CACNA2D3: variants seen among roughly 807,000 people sequenced by gnomAD.
CACNA2D3 encodes calcium voltage-gated channel auxiliary subunit alpha2delta 3, also known as voltage-dependent calcium channel subunit alpha-2/delta-3.
In CACNA2D3, 60 loss-of-function variants were observed where a neutral mutation model predicts 160.6. The ratio of observed to expected loss-of-function variants is 0.37; its 90% CI spans 0.30 to 0.46. The LOEUF is 0.46. Ranked by LOEUF, CACNA2D3 falls within the 20% of genes least tolerant of loss-of-function variation. The pLI, the probability that CACNA2D3 is intolerant of heterozygous loss-of-function variation, is 1.00. For synonymous variants in CACNA2D3, 558 were observed against 492.9 expected (o/e 1.13, Z -1.75); for missense variants, 1,205 against 1,365.0 (o/e 0.88, Z 1.85).
chr3:54,857,711 C>T (rs1699203128), intron 17 of CACNA2D3, among the ~76,000 whole-genome samples: 1 of 152,190 alleles, frequency 6.6e-6, no homozygotes, highest in Non-Finnish European at 1.5e-5. Context: ...GCCAAGACAC[C>T]AGCAGGCTGA....
chr3:54,583,711 A>G (rs1702715536), intron 9 of CACNA2D3, among the ~76,000 whole-genome samples: 2 of 152,178 alleles, frequency 1.3e-5, no homozygotes, highest in African/African-American at 4.8e-5. Context: ...GGAGAATTTC[A>G]TATTTTGGAT....
chr3:54,416,703 C>T (rs1350749803), intron 4 of CACNA2D3, among the ~76,000 whole-genome samples: 1 of 152,082 alleles, frequency 6.6e-6, no homozygotes, highest in African/African-American at 2.4e-5. Context: ...TTTGTTGTTA[C>T]TTATAATAAA....
chr3:54,414,958 T>G (rs1190469564), intron 4 of CACNA2D3, among the ~76,000 whole-genome samples: 2 of 152,112 alleles, frequency 1.3e-5, no homozygotes, highest in Non-Finnish European at 2.9e-5. Context: ...AACAAATACT[T>G]CTGAAGTTTC....
intron 3 of CACNA2D3, among the ~76,000 whole-genome samples, chr3:54,336,643 A>C (rs1704387022): frequency 1.3e-5 from 2 of 152,172 alleles, no homozygotes; most frequent in African/African-American, 4.8e-5. Context: ...AAACATATTA[A>C]GTAAAGGTGA....
At chr3:54,342,428 G>A (rs149009290) in intron 3 of CACNA2D3, among the ~76,000 whole-genome samples, 50 of 152,314 alleles carry the variant, frequency 3.3e-4, no homozygotes, top group African/African-American at 1.1e-3. Flanking sequence ...AAATGGTGGA[G>A]ATTGATGTTG....
chr3:54,160,655 T>C (rs1022031729), intron 2 of CACNA2D3, among the ~76,000 whole-genome samples: 1 of 152,242 alleles, frequency 6.6e-6, no homozygotes, highest in African/African-American at 2.4e-5. Flanking sequence ...CATTGTCATA[T>C]ATGTTTTTAG....
At chr3:54,154,537 C>CG (rs1553737724) in intron 2 of CACNA2D3, among the ~76,000 whole-genome samples, 4 of 151,990 alleles carry the variant, frequency 2.6e-5, no homozygotes, top group Non-Finnish European at 4.4e-5. Context: ...TTTTCCCCCC[C>CG]GAATGATTAT....
chr3:54,833,852 A>G (rs892302606), intron 14 of CACNA2D3, among the ~76,000 whole-genome samples: 1 of 152,088 alleles, frequency 6.6e-6, no homozygotes. Context: ...ACTGGTATAC[A>G]TAGGAAAGCC....
intron 25 of CACNA2D3, among the ~76,000 whole-genome samples, chr3:54,896,366 A>G (rs1700188628): frequency 6.6e-6 from 1 of 152,190 alleles, no homozygotes; most frequent in African/African-American, 2.4e-5. Flanking sequence ...TAAGGAGTTG[A>G]TTCTCCCAAG....
At chr3:54,351,341 T>C (rs1698561739) in intron 3 of CACNA2D3, among the ~76,000 whole-genome samples, 1 of 152,130 alleles carries the variant, frequency 6.6e-6, no homozygotes, top group African/African-American at 2.4e-5. Flanking sequence ...ATTGGTGGCT[T>C]CCTGCTGCTG....
chr3:54,894,141 C>T (rs549421137), intron 25 of CACNA2D3, among the ~76,000 whole-genome samples: 1 of 152,272 alleles, frequency 6.6e-6, no homozygotes, highest in South Asian at 2.1e-4. Flanking sequence ...CCTGACACAC[C>T]ACTGCAATAG....
chr3:54,835,403 A>G (rs1698656575), intron 14 of CACNA2D3, among the ~76,000 whole-genome samples: 1 of 152,210 alleles, frequency 6.6e-6, no homozygotes, highest in Admixed American at 6.5e-5. Context: ...TGAGACTAAC[A>G]AGCACTTAGG....
At chr3:54,303,818 G>GTTTTTTTTTTTTTTTTTTTTT (rs71617795) in intron 2 of CACNA2D3, among the ~76,000 whole-genome samples, 4 of 115,006 alleles carry the variant, frequency 3.5e-5, no homozygotes, top group African/African-American at 1.4e-4. Context: ...CTTTTTTTCT[G>GTTTTTTTTTTTTTTTTTTTTT]TTTTTTTTTT....
intron 2 of CACNA2D3, among the ~76,000 whole-genome samples, chr3:54,223,154 A>G (rs377177743): frequency 3.3e-5 from 5 of 152,326 alleles, no homozygotes; most frequent in East Asian, 1.9e-4. Flanking sequence ...CTGTATTCAT[A>G]GGTTGTTCAA....
intron 2 of CACNA2D3, among the ~76,000 whole-genome samples, chr3:54,154,692 G>A (rs998628791): frequency 3.2e-4 from 49 of 152,062 alleles, no homozygotes; most frequent in Non-Finnish European, 5.9e-5. Context: ...TGTAGAGTCT[G>A]GCCAAGTGAG....
intron 5 of CACNA2D3, among the ~76,000 whole-genome samples, chr3:54,532,499 A>G (rs890891147): frequency 1.3e-5 from 2 of 152,162 alleles, no homozygotes; most frequent in Non-Finnish European, 2.9e-5. Context: ...TTCATTCTCT[A>G]TGTCCATGTG....
intron 30 of CACNA2D3, among the ~76,000 whole-genome samples, chr3:54,987,339 A>G (rs984371136): frequency 3.3e-5 from 5 of 152,282 alleles, no homozygotes; most frequent in East Asian, 3.9e-4. Context: ...TATATGAAGT[A>G]GTGTTTTAAT....
chr3:55,021,613 A>C (rs28639482), intron 35 of CACNA2D3, among the ~76,000 whole-genome samples: 1 of 134,984 alleles, frequency 7.4e-6, no homozygotes, highest in Non-Finnish European at 1.5e-5. Context: ...ATATATATAT[A>C]TATGTGTGTG....
At chr3:54,498,089 C>A (rs1174504511) in intron 4 of CACNA2D3, among the ~76,000 whole-genome samples, 2 of 150,872 alleles carry the variant, frequency 1.3e-5, no homozygotes, top group Non-Finnish European at 3.0e-5. Context: ...GGTTAGGCTA[C>A]CCTCATTAAA....
Sources: allele counts gnomAD v4.1 joint callset (sites outside exome capture counted in the v4.1 genomes callset), GRCh38; gene constraint gnomAD v4.1.1; transcripts MANE v1.5; gene names NCBI Gene and HGNC (gene_info 2026-07-23, HGNC 2026-07-21).